FBXO30: variants seen among roughly 807,000 people sequenced by gnomAD.
The protein encoded by FBXO30 is F-box only protein 30.
FBXO30 carries 21 observed loss-of-function variants against 58.1 expected under a neutral mutation model. The observed-to-expected ratio is 0.36, with a 90% confidence interval of 0.26 to 0.52. The LOEUF is 0.52. Among genes scored for constraint, FBXO30 ranks in the 20% least tolerant of loss-of-function variants. FBXO30 has a pLI of 0.93. For synonymous variants in FBXO30, 309 were observed against 312.4 expected, an observed-to-expected ratio of 0.99 and a Z score of 0.11; for missense variants, 744 against 897.3, an observed-to-expected ratio of 0.83 and a Z score of 2.18.
At chr6:145,813,828 C>T (rs1452000504) in intron 1 of FBXO30, among the ~76,000 whole-genome samples, 2 of 151,896 alleles carry the variant, frequency 1.3e-5, no homozygotes, top group African/African-American at 4.8e-5. Context: ...CAACAGGGCT[C>T]AATAAGAAAA....
Position 145,795,118 on chromosome 6 carries a change from GCTGT to G in FBXO30, c.*4984_*4987del, listed in dbSNP as rs1462067096. ...TTTTGACTGGAAGGGGTATTAAAAA[GCTGT>G]CTAACTCTAGTCAGTCTCTCTGTCA... is the stretch of plus-strand genomic sequence containing the variant. On this transcript the variant is annotated 3_prime_UTR_variant, in exon 3 of 3. Coordinates refer to ENST00000237281, the MANE Select transcript of FBXO30 (RefSeq NM_032145.5). The G allele has an allele frequency of 1.3e-5, 2 of 151,684 alleles. No homozygotes were observed. Among genetic ancestry groups the G allele is most frequent in the African/African-American group, 2.4e-5 (1 of 41,380 alleles). 9.4% of individuals were successfully genotyped at this position (151,684 alleles called of 1,614,324 possible). A position where few individuals can be genotyped will look rare whatever the true frequency, so the allele number is the denominator to read the frequency against.
At chr6:145,800,822 C>T (rs959052736) in intron 2 of FBXO30, among the ~76,000 whole-genome samples, 12 of 151,924 alleles carry the variant, frequency 7.9e-5, no homozygotes, top group East Asian at 1.9e-4. Context: ...TTTCTTTTTC[C>T]GCTGTTCACA....
chr6:145,804,604 G>A lies in FBXO30; in HGVS notation c.1802C>T (p.Ala601Val). 1.2e-6 allele frequency: 2 copies of A among 1,613,764 alleles called. No homozygotes were observed. Among genetic ancestry groups the A allele is most frequent in the Non-Finnish European group, 1.7e-6 (2 of 1,179,838 alleles). The change falls in exon 2 of 3, where the codon GCT becomes GTT. Residue 601 changes from alanine to valine, a missense_variant. By Grantham distance (64) the Ala-to-Val change is moderately conservative. Transcript: ENST00000237281. ...ATGTAATCCCAACACACAGTTTCTA[G>A]CAGGCTCCACTAATACTGTAGATAC... ...PCVSTVLVEP[A>V]RNCVLGLHND...
rs1326032812 is a variant in FBXO30 at position 145,798,172 on chromosome 6, G to A, written c.*1934C>T. 1 of 151,912 alleles carries A rather than the reference G, an allele frequency of 6.6e-6. No homozygotes were observed. The highest frequency in any genetic ancestry group is 1.5e-5 in the Non-Finnish European group (1 of 67,926). The allele number at this position is 151,912 out of a possible 1,614,324, so 9.4% of individuals were successfully genotyped here. ...GTATTAAAATTTTATTTAAATGAAC[G>A]TTTTTAAGTTATTGAGCCATGTTAA... On this transcript the variant is annotated 3_prime_UTR_variant, in exon 3 of 3. Transcript: ENST00000237281.
chr6:145,799,086 G>A lies in FBXO30; in HGVS notation c.*1020C>T, dbSNP rs1487689981. On this transcript the variant is annotated 3_prime_UTR_variant, in exon 3 of 3. Coordinates refer to ENST00000237281, the MANE Select transcript of FBXO30 (RefSeq NM_032145.5). ...TTACTTTCTTGGTGGTGAAGCCTAT[G>A]GGAAATTAACTCGGAAATGTTTCAA... 1 of 151,408 alleles carries A rather than the reference G, an allele frequency of 6.6e-6. No individual in the cohort carries two copies. The highest frequency in any genetic ancestry group is 2.4e-5 in the African/African-American group (1 of 41,246). The allele number at this position is 151,408 out of a possible 1,614,324, so 9.4% of individuals were successfully genotyped here. A position where few individuals can be genotyped will look rare whatever the true frequency, so the allele number is the denominator to read the frequency against.
At chr6:145,812,723 T>C (rs1216108175) in intron 1 of FBXO30, among the ~76,000 whole-genome samples, 1 of 152,188 alleles carries the variant, frequency 6.6e-6, no homozygotes, top group Non-Finnish European at 1.5e-5. Context: ...TACCTAGTAA[T>C]AACATTACTC....
rs543581170 is a variant in FBXO30 at position 145,800,090 on chromosome 6, A to G, written c.*16T>C. 1.1e-5 allele frequency: 17 copies of G among 1,581,880 alleles called. No homozygotes were observed. In the African/African-American group the frequency reaches 1.9e-4, roughly 18 times the overall value. ...TACTAGGTGCTTGCATATATGTGCTAGTAATATTACAACTTTTAAAGTACA... is the reference window on the plus strand; with the variant it reads ...TACTAGGTGCTTGCATATATGTGCTGGTAATATTACAACTTTTAAAGTACA... On this transcript the variant is annotated 3_prime_UTR_variant, in exon 3 of 3. Coordinates refer to ENST00000237281, the MANE Select transcript of FBXO30 (RefSeq NM_032145.5).
intron 2 of FBXO30, among the ~76,000 whole-genome samples, chr6:145,801,546 G>C (rs1049740428): frequency 2.8e-4 from 42 of 151,996 alleles, no homozygotes; most frequent in African/African-American, 1.0e-3. Context: ...GAAAGTGGCA[G>C]ATTTAAGAAA....
At position 145,796,117 on chromosome 6, in the gene FBXO30, C is replaced by T. The variant is rs1171002439; in HGVS notation, c.*3989G>A. On this transcript the variant is annotated 3_prime_UTR_variant, in exon 3 of 3. Transcript: ENST00000237281. The stretch of plus-strand genomic sequence containing the variant: ...ATTCTCTCTCAAATATCCCAGTACA[C>T]TAATCACTGCCTAAATTTTGAGTAC... 6.6e-6 allele frequency: 1 copy of T among 151,898 alleles called. No individual in the cohort carries two copies. Among genetic ancestry groups the T allele is most frequent in the Admixed American group, 6.6e-5 (1 of 15,228 alleles). 9.4% of individuals were successfully genotyped at this position (151,898 alleles called of 1,614,324 possible).
rs578044280 is a variant in FBXO30 at position 145,811,445 on chromosome 6, A to C, written c.-17+3158T>G. Among the ~76,000 whole-genome samples the C allele has an allele frequency of 4.6e-5, 7 of 152,350 alleles. No individual in the cohort carries two copies. The East Asian group carries it at 1.3e-3, about 29-fold the overall frequency. On this transcript the variant is annotated intron_variant, in intron 1 of 2. Coordinates refer to ENST00000237281, the MANE Select transcript of FBXO30 (RefSeq NM_032145.5). ...CAAAAAAAGCAAATCAAAGAAAGTC[A>C]GTTTCAACCTTCCACTGTTTTAAAA...
chr6:145,810,532 T>A (rs1778304775), intron 1 of FBXO30, among the ~76,000 whole-genome samples: 1 of 152,220 alleles, frequency 6.6e-6, no homozygotes, highest in African/African-American at 2.4e-5. Flanking sequence ...AAAGTTTCGC[T>A]GGACCAGAAA....
In FBXO30 at chr6:145,810,048, GTCCCT is replaced by G. The variant is rs1451464594; in HGVS notation, c.-16-3632_-16-3628del. ...CTCCTGTGGTCAAGAAAGTCTTTTG[GTCCCT>G]TCCAATTATAATAGCATTTTACTCT... On this transcript the variant is annotated intron_variant, in intron 1 of 2. Transcript: ENST00000237281. Among the ~76,000 whole-genome samples the G allele has an allele frequency of 4.6e-5, 7 of 152,194 alleles. No individual in the cohort carries two copies. The East Asian group carries it at 9.7e-4, about 21-fold the overall frequency.
chr6:145,799,328 G>C lies in FBXO30; in HGVS notation c.*778C>G, dbSNP rs1457469111. 2.0e-5 allele frequency: 3 copies of C among 152,324 alleles called. No individual in the cohort carries two copies. Among genetic ancestry groups the C allele is most frequent in the African/African-American group, 7.2e-5 (3 of 41,380 alleles). 9.4% of individuals were successfully genotyped at this position (152,324 alleles called of 1,614,324 possible). A position where few individuals can be genotyped will look rare whatever the true frequency, so the allele number is the denominator to read the frequency against. Reference sequence around the variant, plus strand: ...AGGTATATTTTCTTTTAAAACATTAGATAACTAGCAAATATATAATACCAG... The same window carrying C: ...AGGTATATTTTCTTTTAAAACATTACATAACTAGCAAATATATAATACCAG... On this transcript the variant is annotated 3_prime_UTR_variant, in exon 3 of 3. Transcript: ENST00000237281.
Position 145,794,336 on chromosome 6 carries a change from G to A in FBXO30, c.*5770C>T, listed in dbSNP as rs894629278. On this transcript the variant is annotated 3_prime_UTR_variant, in exon 3 of 3. Coordinates refer to ENST00000237281, the MANE Select transcript of FBXO30 (RefSeq NM_032145.5). ...GAAAAGGAAGCTAAATGACATCTTAGGTAAGCCAATCGGCGCAATGACCTT... is the reference window on the plus strand; with the variant it reads ...GAAAAGGAAGCTAAATGACATCTTAAGTAAGCCAATCGGCGCAATGACCTT... 1.3e-5 allele frequency: 2 copies of A among 151,972 alleles called. No homozygotes were observed. Among genetic ancestry groups the A allele is most frequent in the Admixed American group, 6.6e-5 (1 of 15,250 alleles). 9.4% of individuals were successfully genotyped at this position (151,972 alleles called of 1,614,324 possible).
chr6:145,814,745 C>T lies in FBXO30; in HGVS notation c.-159G>A, dbSNP rs1227157546. ...CGCCCCTCTTCCCCAGCCGGGCCGC[C>T]GCCTTTTCTCTTCTCCCGGCCTGCT... On this transcript the variant is annotated 5_prime_UTR_variant, in exon 1 of 3. Coordinates refer to ENST00000237281, the MANE Select transcript of FBXO30 (RefSeq NM_032145.5). The T allele has an allele frequency of 6.5e-6, 1 of 153,534 alleles. No homozygotes were observed. Among genetic ancestry groups the T allele is most frequent in the Non-Finnish European group, 1.4e-5 (1 of 69,260 alleles). The allele number at this position is 153,534 out of a possible 1,614,324, so 9.5% of individuals were successfully genotyped here. A position where few individuals can be genotyped will look rare whatever the true frequency, so the allele number is the denominator to read the frequency against.
intron 1 of FBXO30, among the ~76,000 whole-genome samples, chr6:145,810,306 G>T (rs1161186727): frequency 6.6e-6 from 1 of 152,048 alleles, no homozygotes. Context: ...CTCAGCTTCA[G>T]AATTTAAAAC....
In FBXO30 at chr6:145,796,626, A is replaced by C. The variant is rs1777871734; in HGVS notation, c.*3480T>G. ...TCACCAATGTGGCATGTCATGCATG[A>C]AACAAACACATTTTAAAATATTTGA... On this transcript the variant is annotated 3_prime_UTR_variant, in exon 3 of 3. Coordinates refer to ENST00000237281, the MANE Select transcript of FBXO30 (RefSeq NM_032145.5). 1 of 152,040 alleles carries C rather than the reference A, an allele frequency of 6.6e-6. No individual in the cohort carries two copies. Among genetic ancestry groups the C allele is most frequent in the Admixed American group, 6.6e-5 (1 of 15,230 alleles). 9.4% of individuals were successfully genotyped at this position (152,040 alleles called of 1,614,324 possible). A position where few individuals can be genotyped will look rare whatever the true frequency, so the allele number is the denominator to read the frequency against.
rs770396968 is a variant in FBXO30, at chr6:145,804,404, C to T, written c.2002G>A (p.Glu668Lys). The T allele has an allele frequency of 6.2e-7, 1 of 1,613,082 alleles. No homozygotes were observed. The highest frequency in any genetic ancestry group is 1.1e-5 in the South Asian group (1 of 90,960). Residue 668 changes from glutamate (E) to lysine (K), a missense_variant, in exon 2 of 3, where the codon GAA becomes AAA. Glu to Lys is a moderately conservative substitution (Grantham distance 56). Transcript: ENST00000237281. ...TTTATCTGCCATGATGAATTTCCTT[C>T]TGGATACTTCCTTTTCCCCCACTGC... ...ILQWGKRKYP[E>K]GNSSWQIKEK... is the part of the protein sequence containing the mutation.
Position 145,805,755 on chromosome 6 carries a change from G to A in FBXO30, c.651C>T (p.Asp217=). The A allele has an allele frequency of 6.2e-7, 1 of 1,613,992 alleles. No individual in the cohort carries two copies. The highest frequency in any genetic ancestry group is 8.5e-7 in the Non-Finnish European group (1 of 1,179,972). The change falls in exon 2 of 3, where the codon GAC becomes GAT. Residue 217 remains aspartate, a synonymous_variant. Transcript: ENST00000237281. ...CTCTCGCATTTTGCTGTTCATCCAT[G>A]TCATTTGGGACACTTGTATTTAACA... ...IGMLNTSVPN[D]MDEQQNARES... is the part of the protein sequence containing the mutation.
Sources: gnomAD v4.1 joint callset for allele counts (sites outside exome capture counted in the v4.1 genomes callset) on GRCh38, gnomAD v4.1.1 for gene constraint, MANE v1.5 for transcripts, NCBI Gene and HGNC (gene_info 2026-07-23, HGNC 2026-07-21) for gene names.